Variants in PAK5 observed in about 807,000 individuals in gnomAD.
PAK5 encodes p21 (RAC1) activated kinase 5, also known as serine/threonine-protein kinase PAK 5.
PAK5 carries 16 observed loss-of-function variants against 65.9 expected under a neutral mutation model. That is an observed-to-expected ratio of 0.24 (90% CI 0.16 to 0.37). PAK5 has a LOEUF of 0.37. Ranked by LOEUF, PAK5 falls within the 10% of genes least tolerant of loss-of-function variation. The pLI is 1.00. For synonymous variants in PAK5, 371 were observed against 354.9 expected (o/e 1.05, Z -0.51); for missense variants, 785 against 903.9 (o/e 0.87, Z 1.69).
rs139200169 is a variant in PAK5, at chr20:9,605,703, C to T, written c.205-24773G>A. ...CAACACTTTGTGAGGCCAAGGCAGG[C>T]GGATCACTCGAGACCAGGAGTTAGA... On this transcript the variant is annotated intron_variant, in intron 3 of 9. Coordinates refer to ENST00000353224, the MANE Select transcript of PAK5 (RefSeq NM_177990.4). 7.9e-5 allele frequency among the ~76,000 whole-genome samples: 12 copies of T among 152,208 alleles called. No individual in the cohort carries two copies. The East Asian group carries it at 1.9e-3, about 25-fold the overall frequency.
chr20:9,754,555 TA>T (rs2048612376), intron 1 of PAK5, among the ~76,000 whole-genome samples: 1 of 152,186 alleles, frequency 6.6e-6, no homozygotes, highest in Non-Finnish European at 1.5e-5. Flanking sequence ...AGAGATGTTT[TA>T]TCCCTAGGAG....
chr20:9,771,015 A>C (rs1169238952), intron 1 of PAK5, among the ~76,000 whole-genome samples: 1 of 152,218 alleles, frequency 6.6e-6, no homozygotes, highest in East Asian at 1.9e-4. Flanking sequence ...GTAAGAGAAC[A>C]TGAATATAAG....
intron 3 of PAK5, among the ~76,000 whole-genome samples, chr20:9,641,612 C>T (rs568616561): frequency 1.1e-4 from 17 of 152,004 alleles, no homozygotes; most frequent in Middle Eastern, 6.8e-3. Context: ...CTTGGGTGGT[C>T]GATGGGACTG....
intron 1 of PAK5, among the ~76,000 whole-genome samples, chr20:9,797,488 G>A (rs1197940782): frequency 1.6e-5 from 2 of 128,782 alleles, no homozygotes; most frequent in African/African-American, 5.8e-5. Context: ...ACACACTGGG[G>A]CCTGTTGTGG....
intron 1 of PAK5, among the ~76,000 whole-genome samples, chr20:9,785,735 G>C (rs2048985805): frequency 6.6e-6 from 1 of 152,122 alleles, no homozygotes; most frequent in South Asian, 2.1e-4. Context: ...GAAAAAGTTG[G>C]CAACCAACAA....
chr20:9,787,984 G>GGC (rs1555926934), intron 1 of PAK5, among the ~76,000 whole-genome samples: 5 of 12,022 alleles, frequency 4.2e-4, no homozygotes, highest in African/African-American at 1.3e-3. Context: ...TGTGTGTGTT[G>GGC]GGGGGGGTAT....
rs1034875864 is a variant in PAK5 at position 9,538,788 on chromosome 20, A to G, written c.*674T>C. On this transcript the variant is annotated 3_prime_UTR_variant, in exon 10 of 10. Coordinates refer to ENST00000353224, the MANE Select transcript of PAK5 (RefSeq NM_177990.4). Reference sequence around the variant, plus strand: ...CACCATCACTCTTAATTCTTCTTCCACCAAATAAGACACTTGTTAGGATAA... The same window carrying G: ...CACCATCACTCTTAATTCTTCTTCCGCCAAATAAGACACTTGTTAGGATAA... 6 of 233,356 alleles carry G rather than the reference A, an allele frequency of 2.6e-5. No homozygotes were observed. The Admixed American group carries it at 2.8e-4, about 11-fold the overall frequency. The allele number at this position is 233,356 out of a possible 1,614,324, so 14.5% of individuals were successfully genotyped here. A position where few individuals can be genotyped will look rare whatever the true frequency, so the allele number is the denominator to read the frequency against.
rs754435525 is a variant in PAK5, at chr20:9,665,085, G to GTTTTTTTTTTTTTTTTTTTTTT, written c.-11-20747_-11-20746insAAAAAAAAAAAAAAAAAAAAAA. 4.7e-4 allele frequency among the ~76,000 whole-genome samples: 46 copies of GTTTTTTTTTTTTTTTTTTTTTT among 98,882 alleles called. 4 individuals are homozygous for GTTTTTTTTTTTTTTTTTTTTTT. The highest frequency in any genetic ancestry group is 1.3e-3 in the African/African-American group (32 of 24,612). The allele number at this position is 98,882 out of a possible 152,430, so 64.9% of individuals were successfully genotyped here. ...CCACCATGCCCAGCTAAATTTTTCT[G>GTTTTTTTTTTTTTTTTTTTTTT]TTTTTTTTTTTTTTTGTAGTGATGA... On this transcript the variant is annotated intron_variant, in intron 2 of 9. Coordinates refer to ENST00000353224, the MANE Select transcript of PAK5 (RefSeq NM_177990.4).
intron 1 of PAK5, among the ~76,000 whole-genome samples, chr20:9,819,256 C>T (rs1404220421): frequency 6.6e-6 from 1 of 152,134 alleles, no homozygotes; most frequent in Non-Finnish European, 1.5e-5. Flanking sequence ...CAGACTAAAT[C>T]AGTAAACCAA....
intron 1 of PAK5, among the ~76,000 whole-genome samples, chr20:9,812,381 T>C (rs754272266): frequency 6.6e-5 from 10 of 152,068 alleles, no homozygotes; most frequent in Non-Finnish European, 1.2e-4. Flanking sequence ...ATAAAAATGA[T>C]GTTCAACATC....
In PAK5 at chr20:9,678,384, G is replaced by A. The variant is rs142404858; in HGVS notation, c.-12+32902C>T. Among the ~76,000 whole-genome samples, 414 of 152,248 alleles carry A rather than the reference G, an allele frequency of 2.7e-3. 6 individuals are homozygous for A. The highest frequency in any genetic ancestry group is 9.4e-3 in the African/African-American group (392 of 41,546). Reference sequence around the variant, plus strand: ...AGAGCAAGACCATCCTGGCTAACACGGTGAAACCCCGTCTCTACTAAAAAT... The same window carrying A: ...AGAGCAAGACCATCCTGGCTAACACAGTGAAACCCCGTCTCTACTAAAAAT... On this transcript the variant is annotated intron_variant, in intron 2 of 9. Transcript: ENST00000353224.
At chr20:9,659,344 C>G (rs552856294) in intron 2 of PAK5, among the ~76,000 whole-genome samples, 70 of 152,280 alleles carry the variant, frequency 4.6e-4, no homozygotes, top group African/African-American at 1.7e-3. Context: ...TCAGATGGGT[C>G]ACACAAACAC....
intron 2 of PAK5, among the ~76,000 whole-genome samples, chr20:9,675,377 A>C (rs1385160432): frequency 6.6e-6 from 1 of 152,218 alleles, no homozygotes; most frequent in African/African-American, 2.4e-5. Flanking sequence ...CTTAAAACCA[A>C]AAGGACAAGT....
Position 9,823,817 on chromosome 20 carries a change from G to A in PAK5, c.-162+14945C>T, listed in dbSNP as rs185123724. On this transcript the variant is annotated intron_variant, in intron 1 of 9. Coordinates refer to ENST00000353224, the MANE Select transcript of PAK5 (RefSeq NM_177990.4). ...AATCCTTGCCTCAAGGTCTGTTTCT[G>A]GGGGGGAAATCCTAACTAAAATAGA... is the stretch of plus-strand genomic sequence containing the variant. Among the ~76,000 whole-genome samples the A allele has an allele frequency of 6.4e-3, 483 of 74,976 alleles. 4 individuals carry two copies. Among genetic ancestry groups the A allele is most frequent in the African/African-American group, 0.016 (455 of 27,860 alleles). 49.2% of individuals were successfully genotyped at this position (74,976 alleles called of 152,430 possible). A position where few individuals can be genotyped will look rare whatever the true frequency, so the allele number is the denominator to read the frequency against.
chr20:9,595,557 A>C (rs1031069451), intron 3 of PAK5, among the ~76,000 whole-genome samples: 3 of 152,222 alleles, frequency 2.0e-5, no homozygotes, highest in Non-Finnish European at 4.4e-5. Flanking sequence ...TAGATAAAGC[A>C]AAACACACAC....
chr20:9,604,933 T>C (rs2046425118), intron 3 of PAK5, among the ~76,000 whole-genome samples: 1 of 152,102 alleles, frequency 6.6e-6, no homozygotes, highest in African/African-American at 2.4e-5. Context: ...CAAGGAACTG[T>C]AGAGAGAATA....
At position 9,580,587 on chromosome 20, in the gene PAK5, G is replaced by T. The variant is rs2045961303; in HGVS notation, c.548C>A (p.Ser183Tyr). The T allele has an allele frequency of 6.2e-7, 1 of 1,614,116 alleles. No individual in the cohort carries two copies. The highest frequency in any genetic ancestry group is 8.5e-7 in the Non-Finnish European group (1 of 1,180,024). Reference protein sequence around the residue: ...MKMKHGEAYYSEVKPLKSDFA... With the variant: ...MKMKHGEAYYYEVKPLKSDFA... ...ATCGGATTTCAAAGGCTTCACCTCA[G>T]AATAGTAGGCCTCCCCGTGCTTCAT... The change falls in exon 4 of 10, where the codon TCT (serine) becomes TAT (tyrosine). Residue 183 changes from serine (S) to tyrosine (Y), a missense_variant. Physicochemically the swap from Ser to Tyr is moderately radical, Grantham distance 144 (BLOSUM62 -2). This residue lies in a region of PAK5 where 422 missense variants were observed against 413.3 expected (regional missense o/e 1.02). Coordinates refer to ENST00000353224, the MANE Select transcript of PAK5 (RefSeq NM_177990.4).
intron 1 of PAK5, among the ~76,000 whole-genome samples, chr20:9,817,264 A>AT (rs935254750): frequency 2.6e-5 from 4 of 152,202 alleles, no homozygotes; most frequent in Non-Finnish European, 4.4e-5. Flanking sequence ...AATACGTATA[A>AT]TTTTTTTAAA....
chr20:9,742,219 A>G (rs1477776032), intron 1 of PAK5, among the ~76,000 whole-genome samples: 1 of 152,190 alleles, frequency 6.6e-6, no homozygotes, highest in African/African-American at 2.4e-5. Context: ...ATCAACAGAC[A>G]GATGGCACTG....
Sources: allele counts gnomAD v4.1 joint callset (sites outside exome capture counted in the v4.1 genomes callset), GRCh38; gene constraint gnomAD v4.1.1; regional missense constraint gnomAD v4.1.1; transcripts MANE v1.5; gene names NCBI Gene and HGNC (gene_info 2026-07-23, HGNC 2026-07-21).